The following TRPC5 variants were observed in gnomAD, a reference collection of about 807,000 sequenced individuals.
TRPC5 encodes the protein transient receptor potential cation channel subfamily C member 5, also known as short transient receptor potential channel 5.
A neutral mutation model predicts 56.5 loss-of-function variants in TRPC5; 9 were observed. The ratio of observed to expected loss-of-function variants is 0.16; its 90% CI spans 0.10 to 0.28. The LOEUF (loss-of-function observed/expected upper bound fraction) is 0.28. Among genes scored for constraint, TRPC5 ranks in the 10% least tolerant of loss-of-function variants. The pLI is 1.00. For missense variants in TRPC5, 469 were observed against 748.9 expected (o/e 0.63, Z 4.36); for synonymous variants, 282 against 278.5 (o/e 1.01, Z -0.13).
At chrX:111,868,382 A>G (rs974615140) in intron 3 of TRPC5, among the ~76,000 whole-genome samples, 3 of 112,621 alleles carry the variant, frequency 2.7e-5, no homozygotes, top group Non-Finnish European at 5.6e-5. Context: ...GAAAGCTATC[A>G]GCAAGAAAAG....
At position 111,912,178 on chromosome X, in the gene TRPC5, C is replaced by T. The variant is rs1486493402; in HGVS notation, c.900+113G>A. 3 of 919,762 alleles carry T rather than the reference C, an allele frequency of 3.3e-6. No homozygotes were observed. In the Admixed American group the frequency reaches 9.5e-5, roughly 29 times the overall value. 75.8% of individuals were successfully genotyped at this position (919,762 alleles called of 1,213,427 possible). A position where few individuals can be genotyped will look rare whatever the true frequency, so the allele number is the denominator to read the frequency against. On this transcript the variant is annotated intron_variant, in intron 3 of 10. Coordinates refer to ENST00000262839, the MANE Select transcript of TRPC5 (RefSeq NM_012471.3). ...AATGGGCCTAGCTGTGAGGCCTGCC[C>T]AACCATTTGTTTGTTAGGGGGCTAA...
intron 1 of TRPC5, among the ~76,000 whole-genome samples, chrX:111,953,896 C>A (rs753304249): frequency 9.0e-5 from 10 of 111,540 alleles, no homozygotes; most frequent in Non-Finnish European, 1.5e-4. Context: ...GCCTCTTGCC[C>A]TGAGCAGGCC....
chrX:111,783,330 T>C (rs1246058192), intron 7 of TRPC5, among the ~76,000 whole-genome samples: 1 of 111,896 alleles, frequency 8.9e-6, no homozygotes, highest in Non-Finnish European at 1.9e-5. Context: ...AGAGTGGTAT[T>C]GCTGGATTGT....
At chrX:111,873,091 A>G (rs185224255) in intron 3 of TRPC5, among the ~76,000 whole-genome samples, 1 of 111,814 alleles carries the variant, frequency 8.9e-6, no homozygotes, top group East Asian at 2.8e-4. Context: ...ACAATAGCAA[A>G]GACATGGAAT....
intron 3 of TRPC5, among the ~76,000 whole-genome samples, chrX:111,890,417 C>T (rs181016300): frequency 3.7e-4 from 41 of 111,744 alleles, no homozygotes; most frequent in African/African-American, 1.3e-3. Context: ...CCTGGGAAGC[C>T]AAAAAACTGG....
intron 1 of TRPC5, among the ~76,000 whole-genome samples, chrX:111,960,563 T>C (rs185734610): frequency 9.8e-5 from 11 of 112,016 alleles, no homozygotes; most frequent in African/African-American, 3.6e-4. Flanking sequence ...AAAAGCAGAA[T>C]GGAAACACAC....
At chrX:112,042,729 A>G (rs997521422) in intron 1 of TRPC5, among the ~76,000 whole-genome samples, 1 of 111,181 alleles carries the variant, frequency 9.0e-6, no homozygotes, top group African/African-American at 3.3e-5. Flanking sequence ...CAGCCTCTAT[A>G]TAGGGGCAGA....
At chrX:112,005,981 G>A (rs1475528694) in intron 1 of TRPC5, among the ~76,000 whole-genome samples, 2 of 111,248 alleles carry the variant, frequency 1.8e-5, no homozygotes, top group Non-Finnish European at 3.8e-5. Context: ...TGGCGGCGGG[G>A]GGCAGGGGTT....
chrX:111,927,747 C>T (rs943346517), intron 2 of TRPC5, among the ~76,000 whole-genome samples: 3 of 110,825 alleles, frequency 2.7e-5, no homozygotes, highest in Non-Finnish European at 5.7e-5. Flanking sequence ...ATAAAAATTC[C>T]GTAAGTTATG....
In TRPC5 at chrX:111,806,328, C is replaced by T. The variant is rs1466972125; in HGVS notation, c.1897-24190G>A. 7.1e-5 allele frequency among the ~76,000 whole-genome samples: 8 copies of T among 112,237 alleles called. No individual in the cohort carries two copies. The Admixed American group carries it at 7.6e-4, about 11-fold the overall frequency. Reference sequence around the variant, plus strand: ...TCAAGATCTCTTACAAGGGTATGGACAAGGTGTTGGCTAGAGCTAACGTCT... The same window carrying T: ...TCAAGATCTCTTACAAGGGTATGGATAAGGTGTTGGCTAGAGCTAACGTCT... On this transcript the variant is annotated intron_variant, in intron 7 of 10. Coordinates refer to ENST00000262839, the MANE Select transcript of TRPC5 (RefSeq NM_012471.3).
At chrX:112,030,264 T>G (rs1929553009) in intron 1 of TRPC5, among the ~76,000 whole-genome samples, 1 of 112,881 alleles carries the variant, frequency 8.9e-6, no homozygotes, top group Admixed American at 9.4e-5. Flanking sequence ...ATGTATCATC[T>G]TGTGTAATAC....
intron 1 of TRPC5, among the ~76,000 whole-genome samples, chrX:111,968,086 C>T (rs968756340): frequency 3.6e-5 from 4 of 109,703 alleles, no homozygotes; most frequent in African/African-American, 1.4e-4. Flanking sequence ...TGACAAAGGG[C>T]TCATATCCAG....
At chrX:111,805,194 G>T (rs1162541054) in intron 7 of TRPC5, among the ~76,000 whole-genome samples, 3 of 111,863 alleles carry the variant, frequency 2.7e-5, no homozygotes, top group African/African-American at 9.8e-5. Flanking sequence ...CATCCCAGGG[G>T]TGAAGCCAAC....
chrX:111,909,038 C>T (rs760071566), intron 3 of TRPC5, among the ~76,000 whole-genome samples: 27 of 108,800 alleles, frequency 2.5e-4, no homozygotes, highest in African/African-American at 9.1e-4. Context: ...AATCCCAGCA[C>T]TTTGAGGGGC....
At chrX:112,051,830 G>A (rs1321275531) in intron 1 of TRPC5, among the ~76,000 whole-genome samples, 1 of 111,660 alleles carries the variant, frequency 9.0e-6, no homozygotes, top group African/African-American at 3.3e-5. Context: ...CTGTCTCTAT[G>A]AATTTGGCAA....
chrX:111,799,192 G>T (rs1360626645), intron 7 of TRPC5, among the ~76,000 whole-genome samples: 1 of 110,490 alleles, frequency 9.1e-6, no homozygotes, highest in Non-Finnish European at 1.9e-5. Context: ...GATCAAGACT[G>T]CCCTTATCTA....
chrX:112,050,715 C>T (rs758445867), intron 1 of TRPC5, among the ~76,000 whole-genome samples: 31 of 112,016 alleles, frequency 2.8e-4, no homozygotes, highest in African/African-American at 8.8e-4. Context: ...CTGACCTTCT[C>T]AGGTAGAGGA....
At chrX:111,832,425 G>A (rs1163822726) in intron 7 of TRPC5, among the ~76,000 whole-genome samples, 2 of 112,234 alleles carry the variant, frequency 1.8e-5, no homozygotes, top group Non-Finnish European at 3.8e-5. Context: ...TTTAAAATAG[G>A]AGAAATTTGT....
chrX:111,826,864 T>A (rs758771544), intron 7 of TRPC5, among the ~76,000 whole-genome samples: 69 of 111,824 alleles, frequency 6.2e-4, no homozygotes, highest in African/African-American at 2.2e-3. Flanking sequence ...CTCAGGATTA[T>A]AATGAGCCCT....
Sources: allele counts gnomAD v4.1 joint callset (sites outside exome capture counted in the v4.1 genomes callset), GRCh38; gene constraint gnomAD v4.1.1; transcripts MANE v1.5; gene names NCBI Gene and HGNC (gene_info 2026-07-23, HGNC 2026-07-21).